The following CRLF1 variants were observed in gnomAD, a reference collection of about 807,000 sequenced individuals.
CRLF1 encodes the protein cytokine receptor like factor 1, also known as cytokine receptor-like factor 1.
A neutral mutation model predicts 48.9 loss-of-function variants in CRLF1; 36 were observed. The observed-to-expected ratio is 0.74, with a 90% confidence interval of 0.56 to 0.97. The LOEUF (loss-of-function observed/expected upper bound fraction) is 0.97. Ranked by LOEUF, CRLF1 falls within the 50% of genes least tolerant of loss-of-function variation. The pLI, the probability that CRLF1 is intolerant of heterozygous loss-of-function variation, is 0.00. For synonymous variants in CRLF1, 256 were observed against 253.4 expected (o/e 1.01, Z -0.10); for missense variants, 534 against 575.1 (o/e 0.93, Z 0.73).
chr19:18,593,530 C>T lies in CRLF1; in HGVS notation c.*36G>A, dbSNP rs1227811482. 3 of 1,609,680 alleles carry T rather than the reference C, an allele frequency of 1.9e-6. No homozygotes were observed. Among genetic ancestry groups the T allele is most frequent in the African/African-American group, 2.7e-5 (2 of 74,892 alleles). On this transcript the variant is annotated 3_prime_UTR_variant, in exon 9 of 9. Transcript: ENST00000392386. ...CAGTTTGGGTTCGGCCTCTGCGTCT[C>T]CACGTGGCAGGGAGGGTGGCCTGAG... is the stretch of plus-strand genomic sequence containing the variant.
chr19:18,595,849 G>A (rs1976125291), intron 6 of CRLF1, among the ~76,000 whole-genome samples: 1 of 152,202 alleles, frequency 6.6e-6, no homozygotes, highest in African/African-American at 2.4e-5. Context: ...CCATCCCCCT[G>A]CCTTGATCAG....
Position 18,606,135 on chromosome 19 carries a change from TG to T in CRLF1, c.115+406del, listed in dbSNP as rs998394132. 6.0e-5 allele frequency among the ~76,000 whole-genome samples: 9 copies of T among 151,050 alleles called. No individual in the cohort carries two copies. Among genetic ancestry groups the T allele is most frequent in the African/African-American group, 2.2e-4 (9 of 41,218 alleles). ...CATCCCTCCGCCTGGGGGGGCCCGC[TG>T]GGGGCCCGCACCCAGCGCGCCAACC... is the stretch of plus-strand genomic sequence containing the variant. On this transcript the variant is annotated intron_variant, in intron 1 of 8. Transcript: ENST00000392386. This position sits in a 1 kb window ranked among gnomAD's most constrained non-coding sequence, Gnocchi z 4.8.
intron 8 of CRLF1, 36 bp downstream of exon 8, chr19:18,594,029 T>TGCGGGGGGGGG: frequency 1.5e-6 from 2 of 1,366,646 alleles, no homozygotes; most frequent in Non-Finnish European, 1.0e-6. Context: ...GCCCTCCCCT[T>TGCGGGGGGGGG]GCTCCCTCCC....
intron 2 of CRLF1, 82 bp from the exon 3 acceptor site, chr19:18,598,983 C>A (rs1476147771): frequency 6.3e-7 from 1 of 1,581,014 alleles, no homozygotes. Flanking sequence ...GCCCACCCAC[C>A]AGGCCCCCAC....
intron 1 of CRLF1, among the ~76,000 whole-genome samples, chr19:18,605,854 G>GGCTCCC (rs886207980): frequency 6.6e-6 from 1 of 152,156 alleles, no homozygotes; most frequent in African/African-American, 2.4e-5. Context: ...CGGACTCACT[G>GGCTCCC]GCTCCCGCTC....
chr19:18,600,735 G>A (rs532273251), intron 1 of CRLF1, among the ~76,000 whole-genome samples: 1 of 151,968 alleles, frequency 6.6e-6, no homozygotes, highest in Admixed American at 6.6e-5. Context: ...TCCTGACCTC[G>A]TGATCCACCT....
At chr19:18,599,105 G>A (rs1274005483) in intron 2 of CRLF1, 13 of 985,114 alleles carry the variant, frequency 1.3e-5, no homozygotes, top group Admixed American at 1.2e-4. Context: ...CTCGATCTCC[G>A]GGTTCTTTTT....
chr19:18,600,551 A>G (rs923075579), intron 1 of CRLF1, among the ~76,000 whole-genome samples: 2 of 152,090 alleles, frequency 1.3e-5, no homozygotes, highest in Admixed American at 6.5e-5. Flanking sequence ...TATTTTTAGT[A>G]GAGACGGGGT....
intron 1 of CRLF1, among the ~76,000 whole-genome samples, chr19:18,603,811 C>G (rs1247075096): frequency 6.6e-6 from 1 of 151,632 alleles, no homozygotes; most frequent in Non-Finnish European, 1.5e-5. Flanking sequence ...GGGGCTTGGC[C>G]CAGGGCTCGC....
intron 6 of CRLF1, 151 bp downstream of exon 6, chr19:18,596,471 C>A: frequency 1.0e-6 from 1 of 976,872 alleles, no homozygotes; most frequent in Non-Finnish European, 1.5e-6. Flanking sequence ...AACCGGGAGG[C>A]AGAGGTTGCA....
Position 18,606,321 on chromosome 19 carries a change from C to T in CRLF1, c.115+221G>A, listed in dbSNP as rs1016133407. 7.9e-5 allele frequency among the ~76,000 whole-genome samples: 12 copies of T among 151,756 alleles called. No homozygotes were observed. Among genetic ancestry groups the T allele is most frequent in the Middle Eastern group, 3.4e-3 (1 of 290 alleles). ...GCCTGGCGCCCTCGGCCCAGCTGCCCAGGTAACAGGGCCTCGGGCGCGGAA... is the reference window on the plus strand; with the variant it reads ...GCCTGGCGCCCTCGGCCCAGCTGCCTAGGTAACAGGGCCTCGGGCGCGGAA... On this transcript the variant is annotated intron_variant, in intron 1 of 8. Transcript: ENST00000392386. This position sits in a 1 kb window ranked among gnomAD's most constrained non-coding sequence, Gnocchi z 4.8.
At position 18,606,480 on chromosome 19, in the gene CRLF1, GC is replaced by G. The variant is rs1454949607; in HGVS notation, c.115+61del. ...GCCCGCGCCCCCTCCCCCCGCGGCT[GC>G]CCCCGGGGCGCCCGCCCTCTGCTCT... On this transcript the variant is annotated intron_variant, in intron 1 of 8. Transcript: ENST00000392386. The surrounding 1 kb of genome is among the most constrained non-coding windows in gnomAD (Gnocchi z 4.8). 6.4e-6 allele frequency: 7 copies of G among 1,087,550 alleles called. No individual in the cohort carries two copies. Among genetic ancestry groups the G allele is most frequent in the African/African-American group, 3.4e-5 (2 of 59,460 alleles). 67.4% of individuals were successfully genotyped at this position (1,087,550 alleles called of 1,614,324 possible).
At chr19:18,604,558 C>T (rs1330136609) in intron 1 of CRLF1, among the ~76,000 whole-genome samples, 3 of 152,210 alleles carry the variant, frequency 2.0e-5, no homozygotes, top group African/African-American at 7.2e-5. Flanking sequence ...CCCCCAGGAG[C>T]TGCAAAGATG....
intron 2 of CRLF1, chr19:18,599,228 C>T (rs1278880744): frequency 1.8e-6 from 1 of 545,680 alleles, no homozygotes; most frequent in Non-Finnish European, 2.3e-6. Flanking sequence ...GTCTCAGCCT[C>T]CCAAGTAGCT....
At chr19:18,594,030 G>GCGGGGGGGGCCCCCCCCCC in intron 8 of CRLF1, 35 bp downstream of exon 8, 4 of 1,315,308 alleles carry the variant, frequency 3.0e-6, no homozygotes, top group Non-Finnish European at 4.2e-6. Context: ...CCCTCCCCTT[G>GCGGGGGGGGCCCCCCCCCC]CTCCCTCCCG....
chr19:18,604,656 A>G (rs1976266494), intron 1 of CRLF1, among the ~76,000 whole-genome samples: 1 of 152,016 alleles, frequency 6.6e-6, no homozygotes, highest in Non-Finnish European at 1.5e-5. Context: ...GGGGACAGAG[A>G]TGCACGCACT....
chr19:18,596,569 C>G (rs1976135382), intron 6 of CRLF1, 53 bp downstream of exon 6: 1 of 1,593,452 alleles, frequency 6.3e-7, no homozygotes, highest in Non-Finnish European at 8.6e-7. Context: ...AACAGAGGCT[C>G]TAGCTGGTTT....
chr19:18,603,269 A>G (rs1282683256), intron 1 of CRLF1, among the ~76,000 whole-genome samples: 1 of 152,262 alleles, frequency 6.6e-6, no homozygotes, highest in Admixed American at 6.5e-5. Flanking sequence ...GGAGAAAGTA[A>G]AGCAGGGGCT....
chr19:18,598,241 C>T (rs775171094), intron 4 of CRLF1, among the ~76,000 whole-genome samples, 191 bp downstream of exon 4: 4 of 152,128 alleles, frequency 2.6e-5, no homozygotes, highest in Non-Finnish European at 5.9e-5. Context: ...CTGGGGGCTG[C>T]GGACTGATGA....
Sources: allele counts gnomAD v4.1 joint callset (sites outside exome capture counted in the v4.1 genomes callset), GRCh38; gene constraint gnomAD v4.1.1; non-coding constraint Gnocchi (gnomAD v3.1); transcripts MANE v1.5; gene names NCBI Gene and HGNC (gene_info 2026-07-23, HGNC 2026-07-21).